The following EVC2 variants were observed in gnomAD, a reference collection of about 807,000 sequenced individuals.
The protein encoded by EVC2 is EvC ciliary complex subunit 2.
EVC2 carries 148 observed loss-of-function variants against 149.3 expected under a neutral mutation model. The ratio of observed to expected loss-of-function variants is 0.99; its 90% CI spans 0.87 to 1.14. The LOEUF is 1.14. EVC2 is among the 50% of genes most tolerant of loss of function. EVC2 has a pLI of 0.00. For missense variants in EVC2, 1,854 were observed against 1,627.3 expected (o/e 1.14, Z -2.40); for synonymous variants, 776 against 649.9 (o/e 1.19, Z -2.95).
At position 5,625,126 on chromosome 4, in the gene EVC2, C is replaced by T. The variant is rs1716008923; in HGVS notation, c.2046+623G>A. 6.6e-6 allele frequency among the ~76,000 whole-genome samples: 1 copy of T among 152,132 alleles called. No individual in the cohort carries two copies. Among genetic ancestry groups the T allele is most frequent in the South Asian group, 2.1e-4 (1 of 4,826 alleles). Reference sequence around the variant, plus strand: ...CACCTCCGGAAGACCCTTCAACATTCCCCACTATCCTTGGATGGAAGGTAA... The same window carrying T: ...CACCTCCGGAAGACCCTTCAACATTTCCCACTATCCTTGGATGGAAGGTAA... On this transcript the variant is annotated intron_variant, in intron 13 of 21. Coordinates refer to ENST00000344408, the MANE Select transcript of EVC2 (RefSeq NM_147127.5). This position sits in a 1 kb window ranked among gnomAD's most constrained non-coding sequence, Gnocchi z 4.0.
chr4:5,708,388 G>A lies in EVC2; in HGVS notation c.126C>T (p.Leu42=), dbSNP rs781009014. ...GASSRPRWRP[L]GAQPPRDPQV... ...GGGGATCCCGGGGTGGCTGCGCGCC[G>A]AGGGGGCGCCAGCGGGGACGTGAGC... Residue 42 remains leucine, a synonymous_variant, in exon 1 of 22, where the codon CTC becomes CTT. Transcript: ENST00000344408. 4.1e-5 allele frequency: 61 copies of A among 1,496,022 alleles called. No individual in the cohort carries two copies. Among genetic ancestry groups the A allele is most frequent in the South Asian group, 1.1e-4 (9 of 79,474 alleles). 92.7% of individuals were successfully genotyped at this position (1,496,022 alleles called of 1,614,324 possible). A position where few individuals can be genotyped will look rare whatever the true frequency, so the allele number is the denominator to read the frequency against.
chr4:5,590,793 G>C (rs950780795), intron 16 of EVC2, among the ~76,000 whole-genome samples: 1 of 152,154 alleles, frequency 6.6e-6, no homozygotes, highest in Non-Finnish European at 1.5e-5. Flanking sequence ...CTGCTATAAA[G>C]AACTGCCTAA....
intron 9 of EVC2, among the ~76,000 whole-genome samples, chr4:5,643,740 G>A (rs1717505917): frequency 1.3e-5 from 2 of 152,150 alleles, no homozygotes; most frequent in South Asian, 4.1e-4. Flanking sequence ...GGCCAACATG[G>A]TGAAATGCCA....
intron 19 of EVC2, among the ~76,000 whole-genome samples, chr4:5,571,141 C>A (rs1209047327): frequency 6.6e-6 from 1 of 151,688 alleles, no homozygotes; most frequent in Non-Finnish European, 1.5e-5. Context: ...CGTGGTGAAA[C>A]CCCGTCTCTA....
At position 5,625,878 on chromosome 4, in the gene EVC2, T is replaced by A; in HGVS notation, c.1917A>T (p.Glu639Asp). 6.2e-7 allele frequency: 1 copy of A among 1,614,110 alleles called. No homozygotes were observed. Among genetic ancestry groups the A allele is most frequent in the Non-Finnish European group, 8.5e-7 (1 of 1,180,032 alleles). The change falls in exon 13 of 22, where the codon GAA becomes GAT. Residue 639 changes from glutamate to aspartate, a missense_variant. Transcript: ENST00000344408. The surrounding 1 kb of genome is among the most constrained non-coding windows in gnomAD (Gnocchi z 4.0). ...RAGYLDEDQM[E>D]MLLERAQTEV... is the part of the protein sequence containing the mutation. ...CTGTCTGAGCCCGCTCCAATAGCAT[T>A]TCCATTTGGTCTTCATCCAGGTACC...
At chr4:5,623,214 C>T (rs1322492543) in intron 13 of EVC2, among the ~76,000 whole-genome samples, 36 of 152,214 alleles carry the variant, frequency 2.4e-4, no homozygotes, top group Non-Finnish European at 1.5e-5. Context: ...CGGCTCACTG[C>T]AATCTCCACC....
intron 4 of EVC2, among the ~76,000 whole-genome samples, chr4:5,690,719 G>T (rs73067748): frequency 0.073 from 11,048 of 152,192 alleles, 854 homozygotes; most frequent in African/African-American, 0.19. Flanking sequence ...GGAAGCTCAT[G>T]CCTGGTCTCT....
In EVC2 at chr4:5,586,903, G is replaced by A. The variant is rs1398775515; in HGVS notation, c.2830-2053C>T. On this transcript the variant is annotated intron_variant, in intron 16 of 21. Coordinates refer to ENST00000344408, the MANE Select transcript of EVC2 (RefSeq NM_147127.5). The stretch of plus-strand genomic sequence containing the variant: ...AAGACCTCCTCAGGCTGTGTCATGG[G>A]TGTGTCCTTAACCTTGGCAAAATAA... 7.9e-5 allele frequency among the ~76,000 whole-genome samples: 12 copies of A among 152,006 alleles called. No individual in the cohort carries two copies. The East Asian group carries it at 1.7e-3, about 22-fold the overall frequency.
the EVC2 span, among the ~76,000 whole-genome samples, chr4:5,531,537 C>G: frequency 6.6e-6 from 1 of 152,120 alleles, no homozygotes; most frequent in Non-Finnish European, 1.5e-5. Context: ...ATTGCTTGCT[C>G]GCATTACTGT....
chr4:5,610,599 T>A (rs1241781308), intron 16 of EVC2, among the ~76,000 whole-genome samples: 1 of 151,948 alleles, frequency 6.6e-6, no homozygotes, highest in Non-Finnish European at 1.5e-5. Flanking sequence ...AGACATGAGC[T>A]CAGGGCAGGG....
intron 5 of EVC2, among the ~76,000 whole-genome samples, chr4:5,687,421 G>T (rs1467499912): frequency 6.6e-6 from 1 of 152,154 alleles, no homozygotes; most frequent in African/African-American, 2.4e-5. Context: ...CCAGAGGAGA[G>T]ATGGAGAGCC....
rs1025343812 is a variant in EVC2, at chr4:5,696,830, C to A, written c.283+763G>T. Among the ~76,000 whole-genome samples the A allele has an allele frequency of 1.3e-5, 2 of 152,140 alleles. No homozygotes were observed. The highest frequency in any genetic ancestry group is 4.8e-5 in the African/African-American group (2 of 41,426). On this transcript the variant is annotated intron_variant, in intron 2 of 21. Transcript: ENST00000344408. This position sits in a 1 kb window ranked among gnomAD's most constrained non-coding sequence, Gnocchi z 4.1. ...GAGTGTGGCAAGCTGAATAAAGGTC[C>A]GCAAAGACAGCCAGGTCCTAACCCC...
At chr4:5,592,840 AAGAAACACGGG>A (rs1712939767) in intron 16 of EVC2, among the ~76,000 whole-genome samples, 1 of 152,136 alleles carries the variant, frequency 6.6e-6, no homozygotes, top group African/African-American at 2.4e-5. Flanking sequence ...GCCCCAAGGG[AAGAAACACGGG>A]AGAAGGGATG....
rs753830665 is a variant in EVC2 at position 5,622,912 on chromosome 4, T to C, written c.2126A>G (p.Gln709Arg). Residue 709 changes from glutamine (Q) to arginine (R), a missense_variant, in exon 14 of 22, where the codon CAG (glutamine) becomes CGG (arginine). Coordinates refer to ENST00000344408, the MANE Select transcript of EVC2 (RefSeq NM_147127.5). The surrounding 1 kb of genome is among the most constrained non-coding windows in gnomAD (Gnocchi z 5.8). Reference protein sequence around the residue: ...TVEDAGQYLHQKRSLMEEHGA... With the variant: ...TVEDAGQYLHRKRSLMEEHGA... ...GTGCTCCTCCATCAGGCTCCTCTTC[T>C]GGTGCAGGTACTGGCCGGCATCCTC... is the stretch of plus-strand genomic sequence containing the variant. 1 of 1,614,060 alleles carries C rather than the reference T, an allele frequency of 6.2e-7. No individual in the cohort carries two copies. The highest frequency in any genetic ancestry group is 1.7e-5 in the Admixed American group (1 of 60,006).
the EVC2 span, among the ~76,000 whole-genome samples, chr4:5,535,601 A>AAC: frequency 8.5e-6 from 1 of 118,210 alleles, no homozygotes; most frequent in African/African-American, 3.4e-5. This position sits in a 1 kb window ranked among gnomAD's most constrained non-coding sequence, Gnocchi z 4.7. Flanking sequence ...CATGCTTAGA[A>AAC]AGAGAGAGAG....
chr4:5,555,042 G>C (rs1721809334), intron 21 of EVC2, among the ~76,000 whole-genome samples: 3 of 132,748 alleles, frequency 2.3e-5, no homozygotes, highest in Admixed American at 8.1e-5. Context: ...GTGTGTGTGT[G>C]TCTCTGCACA....
chr4:5,552,004 C>T (rs1011225302), intron 21 of EVC2, among the ~76,000 whole-genome samples: 3 of 152,182 alleles, frequency 2.0e-5, no homozygotes, highest in Non-Finnish European at 4.4e-5. Flanking sequence ...GTATAAATTA[C>T]CCAGTCTCGG....
At chr4:5,632,322 C>T (rs183885036) in intron 10 of EVC2, among the ~76,000 whole-genome samples, 11 of 152,276 alleles carry the variant, frequency 7.2e-5, no homozygotes, top group South Asian at 4.1e-4. Flanking sequence ...AGTACATGTG[C>T]GCACACAGCA....
rs1427920436 is a variant in EVC2, at chr4:5,618,324, C to G, written c.2706+154G>C. ...AAAGTTGGGACAGCCCTGGAGATTC[C>G]TGGAATAGCTGGACACCAATGCAGC... On this transcript the variant is annotated intron_variant, in intron 15 of 21. Coordinates refer to ENST00000344408, the MANE Select transcript of EVC2 (RefSeq NM_147127.5). The surrounding 1 kb of genome is among the most constrained non-coding windows in gnomAD (Gnocchi z 4.4). 6.6e-6 allele frequency among the ~76,000 whole-genome samples: 1 copy of G among 152,126 alleles called. No individual in the cohort carries two copies. Among genetic ancestry groups the G allele is most frequent in the Non-Finnish European group, 1.5e-5 (1 of 68,024 alleles).
Sources: gnomAD v4.1 joint callset for allele counts (sites outside exome capture counted in the v4.1 genomes callset) on GRCh38, gnomAD v4.1.1 for gene constraint, Gnocchi (gnomAD v3.1) non-coding constraint, MANE v1.5 for transcripts, NCBI Gene and HGNC (gene_info 2026-07-23, HGNC 2026-07-21) for gene names.